GPHN: variants seen among roughly 807,000 people sequenced by gnomAD.
GPHN encodes the protein gephyrin.
GPHN carries 17 observed loss-of-function variants against 95.5 expected under a neutral mutation model. That is an observed-to-expected ratio of 0.18 (90% CI 0.12 to 0.27). The LOEUF (loss-of-function observed/expected upper bound fraction) is 0.27, where lower values mean the gene tolerates loss of function less well. GPHN is among the 10% of genes least tolerant of loss of function. GPHN has a pLI of 1.00. For synonymous variants in GPHN, 320 were observed against 322.5 expected, an observed-to-expected ratio of 0.99 and a Z score of 0.08; for missense variants, 660 against 978.1, an observed-to-expected ratio of 0.67 and a Z score of 4.34.
At chr14:67,572,406 G>T in the GPHN span, 1 of 625,146 alleles carries the variant, frequency 1.6e-6, no homozygotes, top group East Asian at 3.5e-5. Context: ...ATGGGGGCAG[G>T]GGGCGTGGGC....
At position 66,849,954 on chromosome 14, in the gene GPHN, A is replaced by T. The variant is rs541542392; in HGVS notation, c.294+25388A>T. 5.3e-5 allele frequency among the ~76,000 whole-genome samples: 8 copies of T among 152,288 alleles called. No homozygotes were observed. The East Asian group carries it at 1.5e-3, about 29-fold the overall frequency. On this transcript the variant is annotated intron_variant, in intron 4 of 22. Transcript: ENST00000478722. ...CTTAACAACACAGATCAAGCCAAAA[A>T]TTATATCCTGAATCAAAGGCATTAA...
chr14:66,520,166 T>C (rs886808787), intron 1 of GPHN, among the ~76,000 whole-genome samples: 48 of 152,166 alleles, frequency 3.2e-4, no homozygotes, highest in African/African-American at 1.2e-3. Flanking sequence ...ACAGATGTTG[T>C]AGATAATAAT....
intron 3 of GPHN, among the ~76,000 whole-genome samples, chr14:66,781,318 G>A (rs1033299221): frequency 6.6e-6 from 1 of 151,678 alleles, no homozygotes; most frequent in African/African-American, 2.4e-5. Flanking sequence ...CCCGGTTCAA[G>A]CAATTCTCCT....
chr14:66,776,613 G>C, intron 3 of GPHN, 92 bp downstream of exon 3: 1 of 802,634 alleles, frequency 1.2e-6, no homozygotes, highest in Non-Finnish European at 2.3e-6. Context: ...TTGATATTTG[G>C]CTATGTTAGA....
the GPHN span, chr14:67,343,571 A>G: frequency 1.5e-6 from 1 of 663,786 alleles, no homozygotes; most frequent in Non-Finnish European, 2.6e-6. Flanking sequence ...ATGCTTAAAA[A>G]ACAAAATTCT....
intron 2 of GPHN, among the ~76,000 whole-genome samples, chr14:66,770,973 TAAGA>T: frequency 6.6e-6 from 1 of 152,256 alleles, no homozygotes; most frequent in African/African-American, 2.4e-5. Context: ...CCCGTATAGA[TAAGA>T]AAGGACTGCT....
the GPHN span, among the ~76,000 whole-genome samples, chr14:67,306,321 T>C: frequency 6.6e-6 from 1 of 151,672 alleles, no homozygotes. Context: ...ATGTGCAGTA[T>C]TTTTCTTTTC....
At chr14:67,359,680 T>C in the GPHN span, 3 of 1,613,928 alleles carry the variant, frequency 1.9e-6, no homozygotes, top group African/African-American at 1.3e-5. Context: ...AAGATTTCAA[T>C]TCGGTCTTTG....
chr14:67,328,732 G>C, the GPHN span, among the ~76,000 whole-genome samples: 2 of 152,144 alleles, frequency 1.3e-5, no homozygotes, highest in Non-Finnish European at 2.9e-5. Context: ...TATTAAATAG[G>C]GCATCCTTTC....
At chr14:67,697,598 C>A in the GPHN span, among the ~76,000 whole-genome samples, 1 of 152,056 alleles carries the variant, frequency 6.6e-6, no homozygotes, top group Non-Finnish European at 1.5e-5. Flanking sequence ...TATAATTTTC[C>A]CTATTTTACA....
intron 8 of GPHN, among the ~76,000 whole-genome samples, chr14:66,958,539 C>T (rs1036231499): frequency 3.3e-5 from 5 of 152,176 alleles, no homozygotes; most frequent in African/African-American, 1.2e-4. Context: ...CACACCTAAG[C>T]CAAATGGTAT....
the GPHN span, among the ~76,000 whole-genome samples, chr14:67,442,448 A>C: frequency 2.0e-5 from 3 of 152,154 alleles, no homozygotes; most frequent in Admixed American, 6.5e-5. Context: ...GTGTACTTCT[A>C]CCTAGCGGTC....
intron 5 of GPHN, among the ~76,000 whole-genome samples, chr14:66,883,512 A>G (rs1425139291): frequency 6.6e-6 from 1 of 152,044 alleles, no homozygotes; most frequent in Non-Finnish European, 1.5e-5. Context: ...TGGGGTTGAC[A>G]TCGGTTGATT....
At chr14:66,884,679 A>G (rs956074550) in intron 5 of GPHN, among the ~76,000 whole-genome samples, 1 of 151,778 alleles carries the variant, frequency 6.6e-6, no homozygotes, top group African/African-American at 2.4e-5. Context: ...TTTGTCATGG[A>G]TTTTATTCTC....
At chr14:67,466,079 T>C in the GPHN span, among the ~76,000 whole-genome samples, 4 of 152,342 alleles carry the variant, frequency 2.6e-5, no homozygotes, top group Middle Eastern at 6.8e-3. Context: ...GAGCTACTCA[T>C]TTTGTGGTAA....
At chr14:67,535,170 G>T in the GPHN span, among the ~76,000 whole-genome samples, 13 of 152,318 alleles carry the variant, frequency 8.5e-5, no homozygotes, top group Middle Eastern at 3.4e-3. Context: ...AATGCCTGTA[G>T]ATGCTCTGAA....
the GPHN span, among the ~76,000 whole-genome samples, chr14:67,709,213 A>T: frequency 6.6e-6 from 1 of 152,260 alleles, no homozygotes; most frequent in African/African-American, 2.4e-5. Flanking sequence ...TTAATAGGTC[A>T]TTGTGAAATA....
chr14:67,515,953 C>A, the GPHN span, among the ~76,000 whole-genome samples: 1 of 152,220 alleles, frequency 6.6e-6, no homozygotes, highest in African/African-American at 2.4e-5. Context: ...GCTTGAACTT[C>A]TAAGGCTCAC....
intron 3 of GPHN, among the ~76,000 whole-genome samples, chr14:66,806,643 T>C (rs2060555095): frequency 6.6e-6 from 1 of 152,292 alleles, no homozygotes; most frequent in East Asian, 1.9e-4. Flanking sequence ...TTCAAAGTTA[T>C]TGAACTCTCT....
Sources: gnomAD v4.1 joint callset for allele counts (sites outside exome capture counted in the v4.1 genomes callset) on GRCh38, gnomAD v4.1.1 for gene constraint, MANE v1.5 for transcripts, NCBI Gene and HGNC (gene_info 2026-07-23, HGNC 2026-07-21) for gene names.